The following ZDHHC14 variants were observed in gnomAD, a reference collection of about 807,000 sequenced individuals.
The protein encoded by ZDHHC14 is zDHHC palmitoyltransferase 14.
Under a neutral mutation model 47.7 loss-of-function variants are expected in ZDHHC14, and 16 were observed. That is an observed-to-expected ratio of 0.34 (90% confidence interval 0.23 to 0.51). ZDHHC14 has a LOEUF of 0.51. ZDHHC14 is among the 20% of genes least tolerant of loss of function. The pLI is 0.97. For synonymous variants in ZDHHC14, 293 were observed against 278.9 expected, an observed-to-expected ratio of 1.05 and a Z score of -0.50; for missense variants, 515 against 662.5, an observed-to-expected ratio of 0.78 and a Z score of 2.44.
chr6:157,480,061 T>C (rs371220932), intron 1 of ZDHHC14, among the ~76,000 whole-genome samples: 4 of 152,158 alleles, frequency 2.6e-5, no homozygotes, highest in Admixed American at 1.3e-4. Flanking sequence ...ATGTCACAGG[T>C]TGCTGTTAAG....
intron 1 of ZDHHC14, among the ~76,000 whole-genome samples, chr6:157,538,731 G>T (rs936292771): frequency 6.6e-6 from 1 of 152,170 alleles, no homozygotes; most frequent in African/African-American, 2.4e-5. Context: ...TGCTTAGGGG[G>T]TGAGCCCAGA....
chr6:157,475,166 A>G (rs1325154936), intron 1 of ZDHHC14, among the ~76,000 whole-genome samples: 1 of 152,110 alleles, frequency 6.6e-6, no homozygotes, highest in East Asian at 1.9e-4. Context: ...GTGTTTTAGG[A>G]AACTTGTTGA....
At chr6:157,610,545 T>G (rs1041916688) in intron 3 of ZDHHC14, among the ~76,000 whole-genome samples, 4 of 152,232 alleles carry the variant, frequency 2.6e-5, no homozygotes, top group Non-Finnish European at 5.9e-5. Flanking sequence ...TTCAGGTTCC[T>G]GTCGGTCACT....
intron 3 of ZDHHC14, among the ~76,000 whole-genome samples, chr6:157,601,139 C>T (rs185522568): frequency 1.3e-5 from 2 of 152,220 alleles, no homozygotes; most frequent in South Asian, 2.1e-4. Context: ...TTTGAAAGTC[C>T]GTCATTTCTG....
intron 3 of ZDHHC14, among the ~76,000 whole-genome samples, chr6:157,625,795 G>T (rs1358445708): frequency 6.6e-6 from 1 of 151,690 alleles, no homozygotes; most frequent in Non-Finnish European, 1.5e-5. Context: ...TTTTTAGTGG[G>T]ATTCCTGCCA....
chr6:157,540,099 G>A (rs947965037), intron 1 of ZDHHC14, among the ~76,000 whole-genome samples: 10 of 152,134 alleles, frequency 6.6e-5, no homozygotes, highest in Admixed American at 6.5e-4. Flanking sequence ...GCCTCCCCGC[G>A]TCAACTGGAC....
chr6:157,614,359 C>T (rs962103027), intron 3 of ZDHHC14, among the ~76,000 whole-genome samples: 1 of 123,772 alleles, frequency 8.1e-6, no homozygotes, highest in African/African-American at 3.7e-5. Flanking sequence ...TACTAGCTGA[C>T]TGATTTTTTT....
At chr6:157,402,114 G>A (rs1359322157) in intron 1 of ZDHHC14, among the ~76,000 whole-genome samples, 1 of 150,532 alleles carries the variant, frequency 6.6e-6, no homozygotes, top group African/African-American at 2.5e-5. Context: ...CACCTGCTGA[G>A]ATCACACTGC....
intron 3 of ZDHHC14, among the ~76,000 whole-genome samples, chr6:157,613,864 A>G (rs964114354): frequency 2.0e-5 from 3 of 152,172 alleles, no homozygotes; most frequent in African/African-American, 7.2e-5. Context: ...CCAGTAAGGA[A>G]TGAAAAAAAA....
chr6:157,661,647 A>T (rs1299139303), intron 8 of ZDHHC14, among the ~76,000 whole-genome samples: 1 of 152,168 alleles, frequency 6.6e-6, no homozygotes, highest in Non-Finnish European at 1.5e-5. Flanking sequence ...TGGCCCTGAC[A>T]CTTTGGGGCT....
At chr6:157,480,016 A>G (rs532079055) in intron 1 of ZDHHC14, among the ~76,000 whole-genome samples, 3 of 152,280 alleles carry the variant, frequency 2.0e-5, no homozygotes, top group African/African-American at 7.2e-5. Flanking sequence ...TTGCAGGCAC[A>G]TTGGGAGGGC....
At chr6:157,557,046 C>T (rs186881997) in intron 2 of ZDHHC14, among the ~76,000 whole-genome samples, 90 of 152,324 alleles carry the variant, frequency 5.9e-4, no homozygotes, top group Middle Eastern at 3.4e-3. Context: ...GAGCCTGGAC[C>T]AGACCATGCC....
In ZDHHC14 at chr6:157,675,590, G is replaced by C. The variant is rs1562544045; in HGVS notation, c.*2468G>C. 1 of 152,214 alleles carries C rather than the reference G, an allele frequency of 6.6e-6. No individual in the cohort carries two copies. The highest frequency in any genetic ancestry group is 1.9e-4 in the East Asian group (1 of 5,190). 9.4% of individuals were successfully genotyped at this position (152,214 alleles called of 1,614,324 possible). On this transcript the variant is annotated 3_prime_UTR_variant, in exon 9 of 9. Coordinates refer to ENST00000359775, the MANE Select transcript of ZDHHC14 (RefSeq NM_024630.3). ...AAACCAGAGAGAAGCCCACAGCCCT[G>C]TCCTCTGTGGCTTGAAAAAGAAACC...
At chr6:157,464,190 T>G (rs1371008576) in intron 1 of ZDHHC14, among the ~76,000 whole-genome samples, 1 of 152,216 alleles carries the variant, frequency 6.6e-6, no homozygotes, top group Non-Finnish European at 1.5e-5. Context: ...AACCTTAGAG[T>G]TCTGAAGTTT....
chr6:157,663,049 C>G (rs1778410814), intron 8 of ZDHHC14, among the ~76,000 whole-genome samples: 1 of 152,250 alleles, frequency 6.6e-6, no homozygotes, highest in African/African-American at 2.4e-5. Flanking sequence ...ACATGGAAAT[C>G]ATTACCAATT....
intron 8 of ZDHHC14, among the ~76,000 whole-genome samples, chr6:157,654,057 C>G (rs1342367363): frequency 6.6e-6 from 1 of 152,162 alleles, no homozygotes; most frequent in Non-Finnish European, 1.5e-5. Flanking sequence ...GCTGCCGGTT[C>G]CCCTGCTTCC....
chr6:157,471,835 C>T (rs1250767955), intron 1 of ZDHHC14, among the ~76,000 whole-genome samples: 3 of 152,210 alleles, frequency 2.0e-5, no homozygotes, highest in African/African-American at 7.2e-5. Flanking sequence ...AGTGGGGGTT[C>T]CAATGCTCCC....
intron 1 of ZDHHC14, among the ~76,000 whole-genome samples, chr6:157,432,088 T>C (rs1434615007): frequency 6.6e-5 from 10 of 152,136 alleles, no homozygotes; most frequent in Non-Finnish European, 1.5e-4. Context: ...TTAGAAATGC[T>C]CAGCCAGTAA....
At chr6:157,634,959 G>A (rs549233406) in intron 5 of ZDHHC14, among the ~76,000 whole-genome samples, 7 of 152,058 alleles carry the variant, frequency 4.6e-5, no homozygotes, top group South Asian at 2.1e-4. Flanking sequence ...GCATAGAGGG[G>A]CTGTGTGTAG....
Sources: allele counts gnomAD v4.1 joint callset (sites outside exome capture counted in the v4.1 genomes callset), GRCh38; gene constraint gnomAD v4.1.1; transcripts MANE v1.5; gene names NCBI Gene and HGNC (gene_info 2026-07-23, HGNC 2026-07-21).